The following NOTCH2NLC variants were observed in gnomAD, a reference collection of about 807,000 sequenced individuals.
The protein encoded by NOTCH2NLC is notch 2 N-terminal like C, also known as notch homolog 2 N-terminal-like protein C.
NOTCH2NLC carries 4 observed loss-of-function variants against 17.7 expected under a neutral mutation model. The ratio of observed to expected loss-of-function variants is 0.23; its 90% confidence interval spans 0.11 to 0.52. The LOEUF (loss-of-function observed/expected upper bound fraction) is 0.52. Ranked by LOEUF, NOTCH2NLC falls within the 20% of genes least tolerant of loss-of-function variation. NOTCH2NLC has a pLI of 0.96. For missense variants in NOTCH2NLC, 57 were observed against 207.2 expected, an observed-to-expected ratio of 0.28 and a Z score of 4.45; for synonymous variants, 18 against 86.0, an observed-to-expected ratio of 0.21 and a Z score of 4.38.
intron 1 of NOTCH2NLC, among the ~76,000 whole-genome samples, chr1:149,426,786 C>CT (rs1200267909): frequency 2.0e-5 from 3 of 146,438 alleles, no homozygotes; most frequent in Non-Finnish European, 3.0e-5. Flanking sequence ...ATTAATGTTT[C>CT]TTTTTTTACT....
intron 2 of NOTCH2NLC, among the ~76,000 whole-genome samples, chr1:149,452,350 CT>C (rs2084595043): frequency 7.2e-6 from 1 of 139,214 alleles, no homozygotes; most frequent in South Asian, 2.3e-4. Context: ...CTACTTGACT[CT>C]GTTGTTGTAG....
At chr1:149,395,167 A>T (rs1254827915) in intron 1 of NOTCH2NLC, among the ~76,000 whole-genome samples, 2 of 147,894 alleles carry the variant, frequency 1.4e-5, no homozygotes, top group Non-Finnish European at 3.0e-5. Context: ...TAATGCGTAC[A>T]TGAGGAAGGA....
intron 1 of NOTCH2NLC, among the ~76,000 whole-genome samples, chr1:149,415,830 G>T (rs1444611010): frequency 6.8e-6 from 1 of 146,756 alleles, no homozygotes; most frequent in Admixed American, 6.8e-5. Context: ...TTTTCTTTTG[G>T]CCTGAGACAT....
rs1231129340 is a variant in NOTCH2NLC at position 149,413,604 on chromosome 1, G to A, written c.136-17338G>A. Reference sequence around the variant, plus strand: ...AACTCAGCTGTTTTGAGTGAGAAGGGGCATCCTACCAGTGTGAGTTAACAC... The same window carrying A: ...AACTCAGCTGTTTTGAGTGAGAAGGAGCATCCTACCAGTGTGAGTTAACAC... On this transcript the variant is annotated intron_variant, in intron 1 of 4. Transcript: ENST00000650865. Among the ~76,000 whole-genome samples, 7 of 150,694 alleles carry A rather than the reference G, an allele frequency of 4.6e-5. 1 individual carries two copies. The highest frequency in any genetic ancestry group is 1.0e-4 in the Non-Finnish European group (7 of 67,458).
At chr1:149,450,087 G>C (rs2084583101) in intron 2 of NOTCH2NLC, among the ~76,000 whole-genome samples, 1 of 143,014 alleles carries the variant, frequency 7.0e-6, no homozygotes, top group South Asian at 2.3e-4. Flanking sequence ...ATGCTGCTAT[G>C]AACATTTTTA....
At chr1:149,429,229 C>G (rs1238495244) in intron 1 of NOTCH2NLC, among the ~76,000 whole-genome samples, 2 of 150,642 alleles carry the variant, frequency 1.3e-5, no homozygotes, top group Non-Finnish European at 3.0e-5. Context: ...AGGCCCAGCA[C>G]TGCCACCAGC....
intron 2 of NOTCH2NLC, among the ~76,000 whole-genome samples, chr1:149,432,372 C>A (rs2101490250): frequency 6.7e-6 from 1 of 150,170 alleles, no homozygotes; most frequent in Admixed American, 6.6e-5. Flanking sequence ...TAAAGCTTAA[C>A]AATAGGTTGT....
intron 2 of NOTCH2NLC, among the ~76,000 whole-genome samples, chr1:149,432,151 G>T (rs2084455075): frequency 7.3e-6 from 1 of 137,154 alleles, no homozygotes; most frequent in Non-Finnish European, 1.6e-5. Flanking sequence ...GTTCTTCTTT[G>T]CTTTGGTGGA....
At chr1:149,422,404 A>T (rs1216921913) in intron 1 of NOTCH2NLC, among the ~76,000 whole-genome samples, 5 of 150,046 alleles carry the variant, frequency 3.3e-5, no homozygotes, top group Non-Finnish European at 5.9e-5. Flanking sequence ...ACCTCTATGG[A>T]ATTTGCCTAG....
chr1:149,398,426 T>C (rs1203458469), intron 1 of NOTCH2NLC, among the ~76,000 whole-genome samples: 1 of 150,152 alleles, frequency 6.7e-6, no homozygotes, highest in Non-Finnish European at 1.5e-5. Flanking sequence ...GAAGATGCAG[T>C]TCTCAGTGGC....
At chr1:149,443,400 C>G (rs2084531964) in intron 2 of NOTCH2NLC, among the ~76,000 whole-genome samples, 1 of 149,662 alleles carries the variant, frequency 6.7e-6, no homozygotes, top group South Asian at 2.1e-4. Context: ...CCTTTTGCTT[C>G]TGCACTGAAT....
chr1:149,449,729 T>C (rs2084580869), intron 2 of NOTCH2NLC, among the ~76,000 whole-genome samples: 1 of 151,416 alleles, frequency 6.6e-6, no homozygotes, highest in African/African-American at 2.4e-5. Flanking sequence ...ACCACCATTA[T>C]CTAATTTCAA....
At chr1:149,412,886 C>A in intron 1 of NOTCH2NLC, among the ~76,000 whole-genome samples, 1 of 131,666 alleles carries the variant, frequency 7.6e-6, no homozygotes, top group Non-Finnish European at 1.6e-5. Context: ...AGTACAAAGA[C>A]AAGATGACTG....
At chr1:149,419,855 A>ATATATATTTTTT (rs1468150839) in intron 1 of NOTCH2NLC, among the ~76,000 whole-genome samples, 8 of 78,204 alleles carry the variant, frequency 1.0e-4, no homozygotes, top group East Asian at 9.4e-4. Context: ...ATATATATAT[A>ATATATATTTTTT]TTTTTTTTTT....
At chr1:149,416,430 A>G (rs2101476069) in intron 1 of NOTCH2NLC, among the ~76,000 whole-genome samples, 1 of 57,004 alleles carries the variant, frequency 1.8e-5, no homozygotes, top group East Asian at 3.9e-4. Context: ...TTCTCTGTTC[A>G]GTAGTTCAGT....
Position 149,471,797 on chromosome 1 carries a change from T to A in NOTCH2NLC, c.*7644T>A, listed in dbSNP as rs1184636307. Among the ~76,000 whole-genome samples, 3 of 135,772 alleles carry A rather than the reference T, an allele frequency of 2.2e-5. No homozygotes were observed. The highest frequency in any genetic ancestry group is 5.6e-5 in the African/African-American group (2 of 35,958). The allele number at this position is 135,772 out of a possible 152,430, so 89.1% of individuals were successfully genotyped here. On this transcript the variant is annotated 3_prime_UTR_variant, in exon 5 of 5. Coordinates refer to ENST00000650865, the MANE Select transcript of NOTCH2NLC (RefSeq NM_001364013.2). The stretch of plus-strand genomic sequence containing the variant: ...TGATATATGAATTATACTATGGAAC[T>A]AATAATAACAGTAATAAAGCAAGGT...
Position 149,471,273 on chromosome 1 carries a change from C to T in NOTCH2NLC, c.*7120C>T, listed in dbSNP as rs2084717552. ...CAGATATTTTCTGTCATTCTATGTACTGTCTTTTCACATTCTTGATGATAT... is the reference window on the plus strand; with the variant it reads ...CAGATATTTTCTGTCATTCTATGTATTGTCTTTTCACATTCTTGATGATAT... On this transcript the variant is annotated 3_prime_UTR_variant, in exon 5 of 5. Transcript: ENST00000650865. 6.6e-6 allele frequency among the ~76,000 whole-genome samples: 1 copy of T among 150,964 alleles called. No individual in the cohort carries two copies. Among genetic ancestry groups the T allele is most frequent in the African/African-American group, 2.4e-5 (1 of 41,120 alleles).
chr1:149,445,036 C>T (rs2101499186), intron 2 of NOTCH2NLC, among the ~76,000 whole-genome samples: 1 of 144,618 alleles, frequency 6.9e-6, no homozygotes, highest in South Asian at 2.2e-4. Context: ...TTTTTCCCCT[C>T]TTTACCAGGA....
chr1:149,442,104 A>G (rs1205478154), intron 2 of NOTCH2NLC, among the ~76,000 whole-genome samples: 1 of 150,696 alleles, frequency 6.6e-6, no homozygotes, highest in Non-Finnish European at 1.5e-5. Flanking sequence ...AGGCTGAAAT[A>G]CCTACCTCCA....
Sources: gnomAD v4.1 joint callset for allele counts (sites outside exome capture counted in the v4.1 genomes callset) on GRCh38, gnomAD v4.1.1 for gene constraint, MANE v1.5 for transcripts, NCBI Gene and HGNC (gene_info 2026-07-23, HGNC 2026-07-21) for gene names.